GALNTL6: variants seen among roughly 807,000 people sequenced by gnomAD.
GALNTL6 encodes polypeptide N-acetylgalactosaminyltransferase like 6.
Under a neutral mutation model 73.7 loss-of-function variants are expected in GALNTL6, and 46 were observed. That is an observed-to-expected ratio of 0.62 (90% CI 0.49 to 0.80). The LOEUF (loss-of-function observed/expected upper bound fraction) is 0.80. Ranked by LOEUF, GALNTL6 falls within the 30% of genes least tolerant of loss-of-function variation. The pLI is 0.00. For missense variants in GALNTL6, 604 were observed against 755.0 expected (o/e 0.80, Z 2.34); for synonymous variants, 259 against 263.7 (o/e 0.98, Z 0.17).
chr4:172,953,439 G>A lies in GALNTL6; in HGVS notation c.1371+1181G>A, dbSNP rs753723307. 6.7e-4 allele frequency among the ~76,000 whole-genome samples: 102 copies of A among 152,184 alleles called. 1 individual carries two copies. The highest frequency in any genetic ancestry group is 2.2e-4 in the African/African-American group (9 of 41,436). On this transcript the variant is annotated intron_variant, in intron 10 of 12. Coordinates refer to ENST00000506823, the MANE Select transcript of GALNTL6 (RefSeq NM_001034845.3). The stretch of plus-strand genomic sequence containing the variant: ...TCAGAAATCAAGAGTTGATTGTCTC[G>A]CATTGTGGAAGAGTATCATCAGTGT...
At chr4:172,059,842 T>G (rs1731140773) in intron 2 of GALNTL6, among the ~76,000 whole-genome samples, 1 of 152,194 alleles carries the variant, frequency 6.6e-6, no homozygotes, top group Non-Finnish European at 1.5e-5. Context: ...GTCCATTTTC[T>G]TCTCAATTAT....
intron 5 of GALNTL6, among the ~76,000 whole-genome samples, chr4:172,805,668 TAAAG>T (rs1267310823): frequency 1.3e-5 from 2 of 152,136 alleles, no homozygotes; most frequent in Non-Finnish European, 2.9e-5. Context: ...TATTTAAAAT[TAAAG>T]AAGTTCAAAA....
intron 5 of GALNTL6, among the ~76,000 whole-genome samples, chr4:172,612,322 C>G (rs1369767384): frequency 6.6e-6 from 1 of 151,890 alleles, no homozygotes; most frequent in East Asian, 1.9e-4. Context: ...TGCAGATGAT[C>G]TGATAAAGAA....
chr4:172,882,046 G>C (rs1165886405), intron 7 of GALNTL6, among the ~76,000 whole-genome samples: 3 of 151,746 alleles, frequency 2.0e-5, no homozygotes, highest in African/African-American at 2.4e-5. Flanking sequence ...ATAAACAAGA[G>C]CACCTTTGAA....
At chr4:172,111,669 T>A (rs1429618750) in intron 2 of GALNTL6, among the ~76,000 whole-genome samples, 1 of 152,082 alleles carries the variant, frequency 6.6e-6, no homozygotes, top group Non-Finnish European at 1.5e-5. Context: ...TACAGTGAGA[T>A]ACTTGGGGGT....
At chr4:171,914,418 G>A (rs1434611401) in intron 2 of GALNTL6, among the ~76,000 whole-genome samples, 1 of 147,342 alleles carries the variant, frequency 6.8e-6, no homozygotes, top group African/African-American at 2.5e-5. Context: ...AATATTAAAA[G>A]GAAAATGTAC....
chr4:172,088,615 G>C (rs1037501851), intron 2 of GALNTL6, among the ~76,000 whole-genome samples: 1 of 152,150 alleles, frequency 6.6e-6, no homozygotes, highest in Non-Finnish European at 1.5e-5. Flanking sequence ...GTTTGATTTG[G>C]AACAAAGTCT....
chr4:171,967,455 T>TTTTTTTG (rs1553976688), intron 2 of GALNTL6, among the ~76,000 whole-genome samples: 49 of 146,802 alleles, frequency 3.3e-4, no homozygotes, highest in South Asian at 4.3e-4. Flanking sequence ...GGGTTTTTTT[T>TTTTTTTG]TTTTTTTTTT....
At chr4:172,222,900 C>T (rs879265965) in intron 2 of GALNTL6, among the ~76,000 whole-genome samples, 14 of 151,740 alleles carry the variant, frequency 9.2e-5, no homozygotes, top group Admixed American at 2.0e-4. Flanking sequence ...AAGCTTGGCC[C>T]GAGTTTTTGG....
At chr4:172,579,062 T>A (rs2110968045) in intron 5 of GALNTL6, among the ~76,000 whole-genome samples, 1 of 152,328 alleles carries the variant, frequency 6.6e-6, no homozygotes, top group Non-Finnish European at 1.5e-5. Flanking sequence ...ACAACTGGCA[T>A]CTTCCCAGAG....
At chr4:172,736,845 A>G (rs550143746) in intron 5 of GALNTL6, among the ~76,000 whole-genome samples, 35 of 152,218 alleles carry the variant, frequency 2.3e-4, no homozygotes, top group African/African-American at 8.4e-4. Flanking sequence ...GGGTCTTTCC[A>G]AGCTGTTCTT....
intron 2 of GALNTL6, among the ~76,000 whole-genome samples, chr4:172,072,163 C>T (rs1731563410): frequency 6.6e-6 from 1 of 152,048 alleles, no homozygotes; most frequent in African/African-American, 2.4e-5. Flanking sequence ...AATTATAATC[C>T]TTCATAAGGC....
intron 2 of GALNTL6, among the ~76,000 whole-genome samples, chr4:171,822,525 A>T (rs556441820): frequency 4.6e-5 from 7 of 152,182 alleles, no homozygotes; most frequent in Non-Finnish European, 1.0e-4. Flanking sequence ...CATGGTAAAT[A>T]ATGAGGGAAG....
At chr4:172,850,375 T>C (rs2111107644) in intron 7 of GALNTL6, among the ~76,000 whole-genome samples, 1 of 152,332 alleles carries the variant, frequency 6.6e-6, no homozygotes, top group East Asian at 1.9e-4. Context: ...AGGATAACTA[T>C]GGATTACACT....
chr4:172,488,897 C>A (rs1733797244), intron 5 of GALNTL6, among the ~76,000 whole-genome samples: 1 of 152,016 alleles, frequency 6.6e-6, no homozygotes, highest in South Asian at 2.1e-4. Flanking sequence ...GCACTCTGTT[C>A]ACAAGATTAT....
chr4:172,377,265 A>G (rs183992125), intron 5 of GALNTL6, among the ~76,000 whole-genome samples: 1 of 152,182 alleles, frequency 6.6e-6, no homozygotes, highest in Non-Finnish European at 1.5e-5. Flanking sequence ...TGAGCTAGAC[A>G]CAGAGTGCTG....
chr4:172,627,145 C>T (rs1739200215), intron 5 of GALNTL6, among the ~76,000 whole-genome samples: 1 of 152,028 alleles, frequency 6.6e-6, no homozygotes, highest in Non-Finnish European at 1.5e-5. Context: ...TCATAGATGA[C>T]TCATTATTCT....
At chr4:172,753,505 G>A (rs1251656872) in intron 5 of GALNTL6, among the ~76,000 whole-genome samples, 9 of 152,002 alleles carry the variant, frequency 5.9e-5, no homozygotes, top group East Asian at 3.9e-4. Flanking sequence ...ATCACTTGAC[G>A]AAAAAGTCTT....
At chr4:172,567,165 T>A (rs752423855) in intron 5 of GALNTL6, among the ~76,000 whole-genome samples, 9 of 152,034 alleles carry the variant, frequency 5.9e-5, no homozygotes, top group Non-Finnish European at 1.0e-4. Flanking sequence ...GAAAAGTTCA[T>A]CTTCACTCAT....
Sources: gnomAD v4.1 joint callset for allele counts (sites outside exome capture counted in the v4.1 genomes callset) on GRCh38, gnomAD v4.1.1 for gene constraint, MANE v1.5 for transcripts, NCBI Gene and HGNC (gene_info 2026-07-23, HGNC 2026-07-21) for gene names.